Variants in SGCZ observed in about 807,000 individuals in gnomAD.
The protein encoded by SGCZ is zeta-sarcoglycan.
Under a neutral mutation model 41.3 loss-of-function variants are expected in SGCZ, and 40 were observed. The ratio of observed to expected loss-of-function variants is 0.97; its 90% confidence interval spans 0.75 to 1.26. The LOEUF (loss-of-function observed/expected upper bound fraction) is 1.26. Ranked by LOEUF, SGCZ falls within the 50% of genes most tolerant of loss-of-function variation. The probability of loss-of-function intolerance (pLI) is 0.00; values close to 1 mark genes in which losing one functional copy is unlikely to be tolerated. For synonymous variants in SGCZ, 206 were observed against 137.5 expected (o/e 1.50, Z -3.49); for missense variants, 552 against 369.8 (o/e 1.49, Z -4.04).
At chr8:14,830,722 G>A (rs1245444521) in intron 1 of SGCZ, among the ~76,000 whole-genome samples, 3 of 151,938 alleles carry the variant, frequency 2.0e-5, no homozygotes, top group African/African-American at 7.3e-5. Context: ...TATATTCCCA[G>A]TTGGTTATAT....
chr8:14,741,106 T>C (rs1799186519), intron 1 of SGCZ, among the ~76,000 whole-genome samples: 1 of 151,958 alleles, frequency 6.6e-6, no homozygotes, highest in Non-Finnish European at 1.5e-5. Flanking sequence ...AAACAGAAAT[T>C]AAAACCAGGA....
At chr8:14,400,386 T>A (rs1178023233) in intron 2 of SGCZ, among the ~76,000 whole-genome samples, 1 of 152,160 alleles carries the variant, frequency 6.6e-6, no homozygotes, top group Non-Finnish European at 1.5e-5. Flanking sequence ...CATTTACCAC[T>A]TTGTAGCTAT....
rs566995230 is a variant in SGCZ at position 15,098,212 on chromosome 8, G to T, written c.39+139373C>A. ...AAAAGGAGGAAGAAAAGACAGAAAG[G>T]AGTGAAAAAGAAAGAAGAAAAAATG... On this transcript the variant is annotated intron_variant, in intron 1 of 7. Transcript: ENST00000382080. 1.1e-4 allele frequency among the ~76,000 whole-genome samples: 17 copies of T among 151,778 alleles called. 1 individual carries two copies. In the Middle Eastern group the frequency reaches 0.01, roughly 91 times the overall value.
At chr8:14,994,843 T>C (rs1054555144) in intron 1 of SGCZ, among the ~76,000 whole-genome samples, 1 of 152,222 alleles carries the variant, frequency 6.6e-6, no homozygotes, top group East Asian at 1.9e-4. Flanking sequence ...ACGTTTTTTC[T>C]TAAAATACTA....
intron 1 of SGCZ, among the ~76,000 whole-genome samples, chr8:14,870,920 G>T (rs554126654): frequency 6.6e-6 from 1 of 152,218 alleles, no homozygotes; most frequent in South Asian, 2.1e-4. Flanking sequence ...AAAAAGTCAG[G>T]AAACAGGCCG....
At chr8:14,260,841 T>G (rs1343561011) in intron 3 of SGCZ, among the ~76,000 whole-genome samples, 12 of 151,852 alleles carry the variant, frequency 7.9e-5, no homozygotes, top group Non-Finnish European at 1.3e-4. Context: ...GTAAACTATC[T>G]CAAGAACAAA....
At chr8:14,457,539 A>G (rs1276031131) in intron 2 of SGCZ, among the ~76,000 whole-genome samples, 1 of 152,172 alleles carries the variant, frequency 6.6e-6, no homozygotes, top group Non-Finnish European at 1.5e-5. Context: ...CGGAGGCCTA[A>G]CCGTCTCCCT....
intron 3 of SGCZ, among the ~76,000 whole-genome samples, chr8:14,279,252 T>A (rs1211447138): frequency 1.3e-5 from 2 of 152,028 alleles, no homozygotes; most frequent in African/African-American, 2.4e-5. Context: ...ATTAAAAAAA[T>A]TCATAAAACA....
At chr8:14,272,593 G>C (rs920171586) in intron 3 of SGCZ, among the ~76,000 whole-genome samples, 3 of 152,198 alleles carry the variant, frequency 2.0e-5, no homozygotes, top group Non-Finnish European at 2.9e-5. Context: ...TCCAGGAAGA[G>C]GCTGTTGCTA....
At position 14,245,432 on chromosome 8, in the gene SGCZ, A is replaced by G. The variant is rs1011082775; in HGVS notation, c.337-7753T>C. On this transcript the variant is annotated intron_variant, in intron 3 of 7. Coordinates refer to ENST00000382080, the MANE Select transcript of SGCZ (RefSeq NM_139167.4). ...ACTGCATCCCTTCCTTACACCTTAG[A>G]CAAAAATTCATTCAAGATGGATTAA... 4.6e-5 allele frequency among the ~76,000 whole-genome samples: 7 copies of G among 152,332 alleles called. No homozygotes were observed. The East Asian group carries it at 7.7e-4, about 17-fold the overall frequency.
chr8:14,656,951 C>G (rs1807596794), intron 1 of SGCZ, among the ~76,000 whole-genome samples: 2 of 151,632 alleles, frequency 1.3e-5, no homozygotes, highest in Admixed American at 1.3e-4. Context: ...TGAACTAAAT[C>G]AATCGAAGAA....
At chr8:15,227,020 T>A (rs1801797731) in intron 1 of SGCZ, among the ~76,000 whole-genome samples, 1 of 152,172 alleles carries the variant, frequency 6.6e-6, no homozygotes, top group Non-Finnish European at 1.5e-5. Flanking sequence ...GTGTGCTCCA[T>A]TTTGTTAGAT....
chr8:14,124,706 G>A (rs1292393860), intron 5 of SGCZ, among the ~76,000 whole-genome samples: 2 of 152,068 alleles, frequency 1.3e-5, no homozygotes, highest in Non-Finnish European at 2.9e-5. Context: ...AGTTAAGAAA[G>A]TTACATATTT....
intron 2 of SGCZ, among the ~76,000 whole-genome samples, chr8:14,474,252 G>T (rs1433114059): frequency 1.3e-5 from 2 of 152,146 alleles, no homozygotes; most frequent in Non-Finnish European, 2.9e-5. Context: ...AAACACTTTT[G>T]ATTTGCATTA....
At chr8:14,753,948 T>G (rs925547650) in intron 1 of SGCZ, among the ~76,000 whole-genome samples, 2 of 152,216 alleles carry the variant, frequency 1.3e-5, no homozygotes, top group African/African-American at 4.8e-5. Flanking sequence ...TCTAACATTC[T>G]GCTTTAGTCT....
intron 1 of SGCZ, among the ~76,000 whole-genome samples, chr8:14,965,083 T>C (rs966615014): frequency 1.3e-5 from 2 of 152,098 alleles, no homozygotes; most frequent in Non-Finnish European, 2.9e-5. Flanking sequence ...AATATGTTTC[T>C]TGGGAGTGGG....
intron 2 of SGCZ, among the ~76,000 whole-genome samples, chr8:14,366,456 C>A (rs1320981930): frequency 6.6e-6 from 1 of 152,158 alleles, no homozygotes; most frequent in African/African-American, 2.4e-5. Flanking sequence ...CCAACCAGGT[C>A]TCTTTCTAAA....
chr8:15,021,086 G>C (rs1803231439), intron 1 of SGCZ, among the ~76,000 whole-genome samples: 1 of 152,094 alleles, frequency 6.6e-6, no homozygotes, highest in Non-Finnish European at 1.5e-5. Context: ...ATAAATGAAA[G>C]AATTAACAAA....
rs890079664 is a variant in SGCZ, at chr8:14,085,608, A to C, written c.*4835T>G. Among the ~76,000 whole-genome samples, 2 of 151,798 alleles carry C rather than the reference A, an allele frequency of 1.3e-5. No individual in the cohort carries two copies. Among genetic ancestry groups the C allele is most frequent in the African/African-American group, 4.8e-5 (2 of 41,404 alleles). On this transcript the variant is annotated 3_prime_UTR_variant, in exon 8 of 8. Coordinates refer to ENST00000382080, the MANE Select transcript of SGCZ (RefSeq NM_139167.4). ...ACAAGTATTTCAAATTTTATTCTCC[A>C]AATAGTGTTCAGCAAGCAGTGAAAG... is the stretch of plus-strand genomic sequence containing the variant.
Sources: allele counts gnomAD v4.1 joint callset (sites outside exome capture counted in the v4.1 genomes callset), GRCh38; gene constraint gnomAD v4.1.1; transcripts MANE v1.5; gene names NCBI Gene and HGNC (gene_info 2026-07-23, HGNC 2026-07-21).